The following ZNF3 variants were observed in gnomAD, a reference collection of about 807,000 sequenced individuals.
ZNF3 encodes the protein zinc finger protein 3.
Under a neutral mutation model 36.9 loss-of-function variants are expected in ZNF3, and 16 were observed. The observed-to-expected ratio is 0.43, with a 90% confidence interval of 0.29 to 0.66. The LOEUF (loss-of-function observed/expected upper bound fraction) is 0.66. Among genes scored for constraint, ZNF3 ranks in the 30% least tolerant of loss-of-function variants. The probability of loss-of-function intolerance (pLI) is 0.13; values close to 1 mark genes in which losing one functional copy is unlikely to be tolerated. For missense variants in ZNF3, 462 were observed against 543.1 expected (o/e 0.85, Z 1.48); for synonymous variants, 201 against 201.9 (o/e 1.00, Z 0.04).
exon 6 of ZNF3, chr7:100,064,198 TGTAA>T (rs767976188): frequency 1.7e-5 from 27 of 1,614,042 alleles, no homozygotes; most frequent in Non-Finnish European, 2.3e-5. Flanking sequence ...GCCCTATGAC[TGTAA>T]GTGTGGAAAA....
chr7:100,075,138 G>A lies in ZNF3; in HGVS notation c.268C>T (p.Leu90=). 1 of 1,607,520 alleles carries A rather than the reference G, an allele frequency of 6.2e-7. No individual in the cohort carries two copies. Among genetic ancestry groups the A allele is most frequent in the South Asian group, 1.1e-5 (1 of 90,674 alleles). The change falls in exon 5 of 6, where the codon CTG becomes TTG. Residue 90 remains leucine, a synonymous_variant. Coordinates refer to ENST00000299667, the MANE Select transcript of ZNF3 (RefSeq NM_032924.5). ...TTGACAAGGCATAACTCCTTACCCA[G>A]TGAGAACACATTCCCGTAATTCTCC... is the stretch of plus-strand genomic sequence containing the variant. The part of the protein sequence containing the change: ...MLENYGNVFS[L]DRETRTENDQ...
Position 100,064,866 on chromosome 7 carries a change from C to T in ZNF3, c.318G>A (p.Trp106Ter), listed in dbSNP as rs375602237. 9.6e-5 allele frequency: 154 copies of T among 1,611,340 alleles called. No homozygotes were observed. Among genetic ancestry groups the T allele is most frequent in the Non-Finnish European group, 1.2e-4 (143 of 1,179,052 alleles). ...TCGCCACACTTAGGGTCCCAGTAAG[C>T]CATGCCAGCATTACCTTTTGCGTAG... Residue 106 changes from tryptophan (W) to a stop codon, truncating the protein, a stop_gained, in exon 6 of 6, where the codon TGG becomes TGA. Coordinates refer to the ZNF3 transcript ENST00000413658. LOFTEE classifies it low-confidence loss of function (END_TRUNC).
At chr7:100,081,959 T>G (rs1795054872), upstream of ZNF3, among the ~76,000 whole-genome samples, 1 of 152,066 alleles carries the variant, frequency 6.6e-6, no homozygotes, top group South Asian at 2.1e-4. The surrounding 1 kb of genome is among the most constrained non-coding windows in gnomAD (Gnocchi z 4.3). Flanking sequence ...GCCACGAATG[T>G]GCGAAAGCGG....
downstream of ZNF3, among the ~76,000 whole-genome samples, chr7:100,067,653 T>C (rs1011144274): frequency 2.0e-5 from 3 of 152,004 alleles, no homozygotes; most frequent in Non-Finnish European, 4.4e-5. Flanking sequence ...TCTCCTGCCT[T>C]ACCCTCCCAG....
At chr7:100,079,315 G>A (rs1453405912) in intron 2 of ZNF3, 3 of 152,294 alleles carry the variant, frequency 2.0e-5, no homozygotes, top group Non-Finnish European at 4.4e-5. Context: ...GCTGGGTTAA[G>A]TGAAGCTGGA....
At chr7:100,064,644 T>C (rs778308019) in exon 6 of ZNF3, 29 of 1,602,936 alleles carry the variant, frequency 1.8e-5, no homozygotes, top group African/African-American at 1.1e-4. Context: ...TTGTTGTCGT[T>C]GTTTTAAACT....
At position 100,075,534 on chromosome 7, in the gene ZNF3, C is replaced by G. The variant is rs147508366; in HGVS notation, c.144+8G>C. ...GAAAGGAAAAGGATAAACGGAACCA[C>G]AGCTCACCTGGGACTTGGCCTTTAG... On this transcript the variant is annotated splice_region_variant and intron_variant, in intron 4 of 5. Transcript: ENST00000299667. The G allele has an allele frequency of 2.1e-5, 34 of 1,614,098 alleles. No individual in the cohort carries two copies. Among genetic ancestry groups the G allele is most frequent in the Non-Finnish European group, 2.7e-5 (32 of 1,179,972 alleles).
At chr7:100,080,773 C>T (rs1332946209) in intron 1 of ZNF3, among the ~76,000 whole-genome samples, 2 of 152,208 alleles carry the variant, frequency 1.3e-5, no homozygotes, top group African/African-American at 4.8e-5. Context: ...GATCGCGCCA[C>T]TGCACTCCAG....
downstream of ZNF3, among the ~76,000 whole-genome samples, chr7:100,065,589 G>A (rs888039505): frequency 6.6e-6 from 1 of 151,980 alleles, no homozygotes; most frequent in Non-Finnish European, 1.5e-5. Flanking sequence ...TACAGAAAGA[G>A]TGTCTTTTGC....
At chr7:100,080,997 CA>C (rs1474259863) in intron 1 of ZNF3, among the ~76,000 whole-genome samples, 1 of 152,146 alleles carries the variant, frequency 6.6e-6, no homozygotes, top group African/African-American at 2.4e-5. Context: ...CTGGAGTTTA[CA>C]AAAGCCCTTC....
chr7:100,080,515 GA>G lies in ZNF3; in HGVS notation c.-197-860del, dbSNP rs200294969. On this transcript the variant is annotated intron_variant, in intron 1 of 5. Coordinates refer to ENST00000299667, the MANE Select transcript of ZNF3 (RefSeq NM_032924.5). ...AATACACACACAAACATTTTAAAAG[GA>G]AAAAAAAAAAAAAGGCCGGGCGCGG... is the stretch of plus-strand genomic sequence containing the variant. 7.9e-3 allele frequency among the ~76,000 whole-genome samples: 1,019 copies of G among 128,718 alleles called. 10 individuals are homozygous for G. Among genetic ancestry groups the G allele is most frequent in the African/African-American group, 0.02 (696 of 35,086 alleles). The allele number at this position is 128,718 out of a possible 152,430, so 84.4% of individuals were successfully genotyped here. A position where few individuals can be genotyped will look rare whatever the true frequency, so the allele number is the denominator to read the frequency against.
rs143681442 is a variant in ZNF3, at chr7:100,072,983, C to T, written c.272-771G>A. On this transcript the variant is annotated intron_variant, in intron 5 of 5. Transcript: ENST00000299667. ...GGGTAATGTGTGTTAGGGACGGGAA[C>T]GGCTGTTTCTCCTTCACCTGAAGAG... Among the ~76,000 whole-genome samples, 115 of 152,312 alleles carry T rather than the reference C, an allele frequency of 7.6e-4. No homozygotes were observed. In the Middle Eastern group the frequency reaches 0.014, roughly 18 times the overall value.
intron 2 of ZNF3, chr7:100,078,795 C>G (rs1250945835): frequency 6.6e-6 from 1 of 152,152 alleles, no homozygotes; most frequent in Non-Finnish European, 1.5e-5. Context: ...AGGGCTAACT[C>G]TATTGCCACT....
chr7:100,068,718 A>G (rs1261034750), downstream of ZNF3, among the ~76,000 whole-genome samples: 4 of 151,970 alleles, frequency 2.6e-5, no homozygotes, highest in African/African-American at 9.7e-5. Flanking sequence ...GTGGTGGTGC[A>G]ATCACAGGGG....
In ZNF3 at chr7:100,070,477, G is replaced by A; in HGVS notation, c.*666C>T. Reference sequence around the variant, plus strand: ...GACAGATTTGCCCATTCAGCCCCAGGACAACTGGGGGGGATGGCAGGGGGT... The same window carrying A: ...GACAGATTTGCCCATTCAGCCCCAGAACAACTGGGGGGGATGGCAGGGGGT... On this transcript the variant is annotated 3_prime_UTR_variant, in exon 6 of 6. Transcript: ENST00000299667. The A allele has an allele frequency of 3.0e-6, 3 of 985,460 alleles. No homozygotes were observed. Among genetic ancestry groups the A allele is most frequent in the East Asian group, 2.3e-4 (2 of 8,820 alleles). 61.0% of individuals were successfully genotyped at this position (985,460 alleles called of 1,614,324 possible).
intron 5 of ZNF3, among the ~76,000 whole-genome samples, chr7:100,074,858 AC>A (rs1793804411): frequency 6.6e-6 from 1 of 151,906 alleles, no homozygotes; most frequent in Admixed American, 6.6e-5. Context: ...ACATGGTGAA[AC>A]CCCGTCTCTA....
downstream of ZNF3, among the ~76,000 whole-genome samples, chr7:100,067,594 G>A (rs1792714709): frequency 6.6e-6 from 1 of 152,046 alleles, no homozygotes; most frequent in Non-Finnish European, 1.5e-5. Flanking sequence ...TAGAGACTGG[G>A]TCTCACTATG....
chr7:100,075,280 G>C lies in ZNF3; in HGVS notation c.145-19C>G. On this transcript the variant is annotated intron_variant, in intron 4 of 5. Transcript: ENST00000299667. ...CCAGCTCCTGAAACAACACGTGCTG[G>C]CATGCAATTTCAGGGTGAGGAATGT... 1 of 1,614,036 alleles carries C rather than the reference G, an allele frequency of 6.2e-7. No homozygotes were observed.
chr7:100,080,677 G>A (rs1395777965), intron 1 of ZNF3, among the ~76,000 whole-genome samples: 1 of 152,182 alleles, frequency 6.6e-6, no homozygotes, highest in Admixed American at 6.5e-5. Flanking sequence ...GCCGGAGGTG[G>A]TGGCGGGCGC....
Sources: allele counts gnomAD v4.1 joint callset (sites outside exome capture counted in the v4.1 genomes callset), GRCh38; gene constraint gnomAD v4.1.1; non-coding constraint Gnocchi (gnomAD v3.1); transcripts MANE v1.5; gene names NCBI Gene and HGNC (gene_info 2026-07-23, HGNC 2026-07-21).